CEP128: variants seen among roughly 807,000 people sequenced by gnomAD.
The protein encoded by CEP128 is centrosomal protein 128, also known as centrosomal protein 128kDa.
CEP128 carries 132 observed loss-of-function variants against 156.7 expected under a neutral mutation model. The ratio of observed to expected loss-of-function variants is 0.84; its 90% CI spans 0.73 to 0.97. The LOEUF is 0.97. CEP128 is among the 50% of genes least tolerant of loss of function. The pLI, the probability that CEP128 is intolerant of heterozygous loss-of-function variation, is 0.00. For missense variants in CEP128, 1,252 were observed against 1,281.9 expected (o/e 0.98, Z 0.36); for synonymous variants, 469 against 448.9 (o/e 1.04, Z -0.57).
intron 19 of CEP128, among the ~76,000 whole-genome samples, chr14:80,620,177 C>A: frequency 6.6e-6 from 1 of 151,732 alleles, no homozygotes; most frequent in Admixed American, 6.6e-5. Flanking sequence ...GGAGAGCAGA[C>A]CAGGGAAATC....
intron 9 of CEP128, among the ~76,000 whole-genome samples, chr14:80,850,459 C>A (rs760215589): frequency 2.6e-4 from 40 of 152,088 alleles, no homozygotes; most frequent in Non-Finnish European, 3.7e-4. Context: ...TATTCTATGA[C>A]CTTTATCAAT....
At chr14:80,837,983 T>C (rs1886167109) in intron 11 of CEP128, among the ~76,000 whole-genome samples, 1 of 152,234 alleles carries the variant, frequency 6.6e-6, no homozygotes, top group African/African-American at 2.4e-5. Context: ...ATCAGCAAGA[T>C]ACACCATCAC....
intron 14 of CEP128, among the ~76,000 whole-genome samples, chr14:80,788,627 T>TGC (rs1901546347): frequency 6.6e-6 from 1 of 152,118 alleles, no homozygotes. Context: ...ACAGCATCAA[T>TGC]GCCCCTAAAT....
chr14:80,810,787 T>G (rs997136801), intron 13 of CEP128, among the ~76,000 whole-genome samples: 1 of 152,144 alleles, frequency 6.6e-6, no homozygotes, highest in Admixed American at 6.5e-5. Context: ...ATGAAAGAAT[T>G]TCTATTTATT....
intron 13 of CEP128, among the ~76,000 whole-genome samples, chr14:80,827,523 G>A (rs780616888): frequency 2.6e-5 from 4 of 152,174 alleles, no homozygotes; most frequent in East Asian, 3.9e-4. Flanking sequence ...GCATCAGAGC[G>A]AAAGCATAGA....
At chr14:80,893,892 CA>C (rs1439984426) in intron 8 of CEP128, among the ~76,000 whole-genome samples, 2 of 151,894 alleles carry the variant, frequency 1.3e-5, no homozygotes, top group African/African-American at 4.8e-5. Context: ...TGATTTATGA[CA>C]AAGATACGAC....
chr14:80,694,315 G>T (rs1566861266), intron 19 of CEP128, among the ~76,000 whole-genome samples: 2 of 152,172 alleles, frequency 1.3e-5, no homozygotes, highest in South Asian at 2.1e-4. Context: ...GTGTAAATTA[G>T]TTCAACCTTT....
chr14:80,529,408 T>C (rs1205485837), intron 22 of CEP128, among the ~76,000 whole-genome samples: 2 of 152,214 alleles, frequency 1.3e-5, no homozygotes, highest in South Asian at 2.1e-4. Context: ...GCTCATAGGA[T>C]TAAAAATAAT....
At chr14:80,737,470 G>A (rs78809424) in intron 19 of CEP128, among the ~76,000 whole-genome samples, 1,910 of 152,032 alleles carry the variant, frequency 0.013, 40 homozygotes, top group African/African-American at 0.043. Context: ...GTAACTTCAT[G>A]TTAAATAACT....
chr14:80,938,398 C>G (rs7143744), intron 2 of CEP128, among the ~76,000 whole-genome samples: 83,191 of 151,696 alleles, frequency 0.55, 23,421 homozygotes, highest in East Asian at 0.68. Flanking sequence ...AGGCGCCTGC[C>G]ACCACGCCTG....
intron 23 of CEP128, among the ~76,000 whole-genome samples, chr14:80,512,857 A>C (rs1195405289): frequency 6.6e-6 from 1 of 152,118 alleles, no homozygotes; most frequent in African/African-American, 2.4e-5. Context: ...GAAAACCAAT[A>C]AAAACACTTT....
intron 2 of CEP128, among the ~76,000 whole-genome samples, chr14:80,931,543 T>C (rs1213407249): frequency 6.6e-6 from 1 of 152,146 alleles, no homozygotes; most frequent in Non-Finnish European, 1.5e-5. Flanking sequence ...TGGCCAGAGA[T>C]TTTGAGTTAC....
At chr14:80,660,596 T>C (rs909123944) in intron 19 of CEP128, among the ~76,000 whole-genome samples, 1 of 152,176 alleles carries the variant, frequency 6.6e-6, no homozygotes, top group Non-Finnish European at 1.5e-5. Flanking sequence ...GATCATTACC[T>C]TGTTGAGTGA....
intron 19 of CEP128, among the ~76,000 whole-genome samples, chr14:80,694,270 G>A (rs1896813532): frequency 6.6e-6 from 1 of 152,170 alleles, no homozygotes; most frequent in Non-Finnish European, 1.5e-5. Flanking sequence ...AGATGCTGGA[G>A]AGGATGTGGA....
chr14:80,639,763 C>T (rs1894334359), intron 19 of CEP128, among the ~76,000 whole-genome samples: 1 of 152,130 alleles, frequency 6.6e-6, no homozygotes, highest in Non-Finnish European at 1.5e-5. Flanking sequence ...ATTCAAACTT[C>T]CCCACTCCTT....
At chr14:80,647,037 G>A (rs1227533098) in intron 19 of CEP128, among the ~76,000 whole-genome samples, 1,214 of 69,572 alleles carry the variant, frequency 0.017, 92 homozygotes, top group Non-Finnish European at 0.023. Flanking sequence ...ATGTGTGCAT[G>A]TATATATATA....
At chr14:80,684,147 A>G (rs1896432216) in intron 19 of CEP128, among the ~76,000 whole-genome samples, 1 of 152,154 alleles carries the variant, frequency 6.6e-6, no homozygotes, top group Non-Finnish European at 1.5e-5. Context: ...GAACCAACGG[A>G]ATGAAAAGTT....
At chr14:80,792,439 A>G (rs983633214) in intron 14 of CEP128, among the ~76,000 whole-genome samples, 8 of 152,232 alleles carry the variant, frequency 5.3e-5, no homozygotes, top group Non-Finnish European at 1.0e-4. Flanking sequence ...ACAAAGATTT[A>G]GTCATTTTTT....
intron 19 of CEP128, among the ~76,000 whole-genome samples, chr14:80,732,883 TGTAA>T (rs1157073728): frequency 1.3e-5 from 2 of 152,050 alleles, no homozygotes; most frequent in Admixed American, 1.3e-4. Context: ...CTGTAACCCT[TGTAA>T]GTATGAAGCA....
Sources: allele counts gnomAD v4.1 joint callset (sites outside exome capture counted in the v4.1 genomes callset), GRCh38; gene constraint gnomAD v4.1.1; transcripts MANE v1.5; gene names NCBI Gene and HGNC (gene_info 2026-07-23, HGNC 2026-07-21).